The following FOXN3 variants were observed in gnomAD, a reference collection of about 807,000 sequenced individuals.
FOXN3 encodes forkhead box N3, also known as forkhead box protein N3.
A neutral mutation model predicts 38.4 loss-of-function variants in FOXN3; 7 were observed. The ratio of observed to expected loss-of-function variants is 0.18; its 90% CI spans 0.10 to 0.34. The LOEUF (loss-of-function observed/expected upper bound fraction) is 0.34. Among genes scored for constraint, FOXN3 ranks in the 10% least tolerant of loss-of-function variants. FOXN3 has a pLI of 1.00. For missense variants in FOXN3, 456 were observed against 613.4 expected, an observed-to-expected ratio of 0.74 and a Z score of 2.71; for synonymous variants, 230 against 242.2, an observed-to-expected ratio of 0.95 and a Z score of 0.47.
chr14:89,440,632 C>T (rs1892363276), intron 1 of FOXN3, among the ~76,000 whole-genome samples: 1 of 152,184 alleles, frequency 6.6e-6, no homozygotes, highest in Non-Finnish European at 1.5e-5. Flanking sequence ...AGAACAAACG[C>T]CCTTTGACTG....
At position 89,333,749 on chromosome 14, in the gene FOXN3, T is replaced by TAAA. The variant is rs57491119; in HGVS notation, c.680+16920_680+16922dup. ...GCCTGGGTGAACACAGAGAGACTAT[T>TAAA]AAAAAAAAAAAAAAAAAAAAAAAAA... On this transcript the variant is annotated intron_variant, in intron 3 of 5. Transcript: ENST00000557258. Among the ~76,000 whole-genome samples, 158 of 57,248 alleles carry TAAA rather than the reference T, an allele frequency of 2.8e-3. 15 individuals are homozygous for TAAA. Among genetic ancestry groups the TAAA allele is most frequent in the African/African-American group, 9.5e-3 (152 of 15,932 alleles). 37.6% of individuals were successfully genotyped at this position (57,248 alleles called of 152,430 possible).
intron 1 of FOXN3, among the ~76,000 whole-genome samples, chr14:89,458,600 C>T (rs1892776009): frequency 6.6e-6 from 1 of 152,164 alleles, no homozygotes; most frequent in Non-Finnish European, 1.5e-5. Flanking sequence ...GGTTATTATG[C>T]TTGTGAATAA....
At chr14:89,535,519 C>T (rs967840824) in intron 1 of FOXN3, among the ~76,000 whole-genome samples, 1 of 151,984 alleles carries the variant, frequency 6.6e-6, no homozygotes, top group East Asian at 1.9e-4. Context: ...CTTTTTTTCA[C>T]CCAGCAGTGA....
chr14:89,407,730 G>A (rs965669432), intron 2 of FOXN3, among the ~76,000 whole-genome samples: 4 of 151,940 alleles, frequency 2.6e-5, no homozygotes, highest in African/African-American at 4.8e-5. Context: ...TCCCCCCTTC[G>A]GAGGCTAAGG....
intron 1 of FOXN3, among the ~76,000 whole-genome samples, chr14:89,573,102 G>A (rs1895528041): frequency 6.6e-6 from 1 of 152,186 alleles, no homozygotes; most frequent in South Asian, 2.1e-4. Flanking sequence ...GTCACCTAGT[G>A]CTTCTGAGTG....
At chr14:89,421,218 C>T (rs1178716791), upstream of FOXN3, among the ~76,000 whole-genome samples, 4 of 143,764 alleles carry the variant, frequency 2.8e-5, no homozygotes, top group African/African-American at 1.0e-4. Context: ...GGCACAATCT[C>T]GGCTCACTGC....
In FOXN3 at chr14:89,442,013, G is replaced by A. The variant is rs144664545; in HGVS notation, c.-14-29523C>T. 8.6e-3 allele frequency among the ~76,000 whole-genome samples: 1,230 copies of A among 142,374 alleles called. 16 individuals carry two copies. Among genetic ancestry groups the A allele is most frequent in the African/African-American group, 0.028 (1,067 of 38,182 alleles). The allele number at this position is 142,374 out of a possible 152,430, so 93.4% of individuals were successfully genotyped here. On this transcript the variant is annotated intron_variant, in intron 1 of 6. Coordinates refer to the FOXN3 transcript ENST00000345097. ...ATGATCTCGGCTCACCGCAACCTCC[G>A]CCTCCCAGGTTCAAGCGATTTTCCT...
chr14:89,259,258 C>A (rs549649206), intron 4 of FOXN3, among the ~76,000 whole-genome samples: 119 of 152,326 alleles, frequency 7.8e-4, no homozygotes, highest in South Asian at 1.4e-3. Context: ...GACTGATGAT[C>A]TCTTTCTATG....
intron 1 of FOXN3, among the ~76,000 whole-genome samples, chr14:89,483,415 T>C (rs887163592): frequency 6.6e-6 from 1 of 151,712 alleles, no homozygotes; most frequent in African/African-American, 2.4e-5. Context: ...AGATGTGGGG[T>C]GTACTTTTTT....
At chr14:89,290,529 G>C in intron 3 of FOXN3, 1 of 534,212 alleles carries the variant, frequency 1.9e-6, no homozygotes, top group Non-Finnish European at 3.7e-6. Flanking sequence ...CATCGGGAGA[G>C]CTGATTTTTC....
intron 4 of FOXN3, among the ~76,000 whole-genome samples, chr14:89,261,345 C>T (rs915526156): frequency 3.3e-5 from 5 of 152,166 alleles, no homozygotes; most frequent in African/African-American, 7.2e-5. Context: ...GAAAGACACA[C>T]GTGCTGCTAG....
upstream of FOXN3, among the ~76,000 whole-genome samples, chr14:89,421,292 GGCATGCA>G (rs1891900417): frequency 6.6e-6 from 1 of 151,608 alleles, no homozygotes; most frequent in African/African-American, 2.4e-5. Flanking sequence ...TGGGATTATA[GGCATGCA>G]CCACCACACC....
At chr14:89,333,764 A>ACC (rs1566959204) in intron 3 of FOXN3, among the ~76,000 whole-genome samples, 1 of 149,778 alleles carries the variant, frequency 6.7e-6, no homozygotes, top group South Asian at 2.1e-4. Flanking sequence ...AAAAAAAAAA[A>ACC]AAAAAAAAAA....
At chr14:89,396,808 G>T (rs1321781572) in intron 2 of FOXN3, among the ~76,000 whole-genome samples, 5 of 149,182 alleles carry the variant, frequency 3.4e-5, no homozygotes, top group Non-Finnish European at 7.4e-5. Context: ...CTCCAGCCTG[G>T]GCAACAGGAG....
At position 89,230,514 on chromosome 14, in the gene FOXN3, T is replaced by C. The variant is rs148095263; in HGVS notation, c.746-49708A>G. Among the ~76,000 whole-genome samples, 38 of 152,386 alleles carry C rather than the reference T, an allele frequency of 2.5e-4. 1 individual carries two copies. Among genetic ancestry groups the C allele is most frequent in the African/African-American group, 7.7e-4 (32 of 41,602 alleles). On this transcript the variant is annotated intron_variant, in intron 4 of 5. Coordinates refer to ENST00000557258, the MANE Select transcript of FOXN3 (RefSeq NM_005197.4). ...GCTATTATCTCCCTGCTAGGGTGTA[T>C]GGGATTAAGTATACATAAAGGGCTT...
chr14:89,243,105 G>A (rs1885188131), intron 4 of FOXN3, among the ~76,000 whole-genome samples: 1 of 152,188 alleles, frequency 6.6e-6, no homozygotes, highest in Non-Finnish European at 1.5e-5. Context: ...GCAGGGAGGA[G>A]AGAAGACAGA....
chr14:89,394,250 T>A (rs1891045139), intron 2 of FOXN3, among the ~76,000 whole-genome samples: 1 of 134,756 alleles, frequency 7.4e-6, no homozygotes, highest in Non-Finnish European at 1.5e-5. Context: ...GGAGTTTCAC[T>A]CTTGTTGCCC....
At chr14:89,230,165 C>T (rs1477373793) in intron 4 of FOXN3, among the ~76,000 whole-genome samples, 2 of 152,224 alleles carry the variant, frequency 1.3e-5, no homozygotes, top group Middle Eastern at 3.2e-3. Context: ...ATGTGATTTG[C>T]TTATATGTCT....
intron 2 of FOXN3, among the ~76,000 whole-genome samples, chr14:89,357,668 C>T (rs1311090428): frequency 6.6e-6 from 1 of 151,562 alleles, no homozygotes; most frequent in Non-Finnish European, 1.5e-5. Flanking sequence ...TTGACACTGG[C>T]AATGCAGATC....
Sources: allele counts gnomAD v4.1 joint callset (sites outside exome capture counted in the v4.1 genomes callset), GRCh38; gene constraint gnomAD v4.1.1; transcripts MANE v1.5; gene names NCBI Gene and HGNC (gene_info 2026-07-23, HGNC 2026-07-21).